Variants in SHOX observed in about 807,000 individuals in gnomAD.
The protein encoded by SHOX is SHOX homeobox, also known as short stature homeobox protein.
Under a neutral mutation model 29.6 loss-of-function variants are expected in SHOX, and 12 were observed. The ratio of observed to expected loss-of-function variants is 0.41; its 90% CI spans 0.26 to 0.66. The LOEUF is 0.66. Among genes scored for constraint, SHOX ranks in the 30% least tolerant of loss-of-function variants. The pLI is 0.35. For missense variants in SHOX, 499 were observed against 437.7 expected (o/e 1.14, Z -1.25); for synonymous variants, 214 against 200.6 (o/e 1.07, Z -0.57).
intron 1 of SHOX, chrX:624,705 C>CTTTG (rs1314984167): frequency 3.4e-5 from 4 of 117,504 alleles, no homozygotes; most frequent in Non-Finnish European, 7.2e-5. Context: ...TCTTTCTTTT[C>CTTTG]TTTCTTTCTT....
chrX:631,205 G>GT, intron 1 of SHOX, 31 bp downstream of exon 1: 2 of 1,611,522 alleles, frequency 1.2e-6, no homozygotes, highest in African/African-American at 2.7e-5. Flanking sequence ...GCTCCAGGGG[G>GT]GCCCTCCTGG....
rs1396929342 is a variant in SHOX at position 650,019 on chromosome X, G to A, written c.*5383G>A. The A allele has an allele frequency of 4.4e-6, 2 of 456,026 alleles. No homozygotes were observed. Among genetic ancestry groups the A allele is most frequent in the South Asian group, 3.1e-5 (2 of 64,550 alleles). The allele number at this position is 456,026 out of a possible 1,614,324, so 28.2% of individuals were successfully genotyped here. On this transcript the variant is annotated 3_prime_UTR_variant, in exon 5 of 5. Transcript: ENST00000686671. ...TTCTCCGTTCGAGTCTCTGACTGGT[G>A]CATACTTTGCAAAGGTGTGTTCCTG...
At chrX:630,286 G>T (rs2052622601), upstream of SHOX, among the ~76,000 whole-genome samples, 2 of 129,452 alleles carry the variant, frequency 1.5e-5, no homozygotes, top group East Asian at 4.6e-4. Context: ...TCCCAAGATC[G>T]TGCGTCCCCG....
At position 634,878 on chromosome X, in the gene SHOX, G is replaced by C. The variant is rs773959402; in HGVS notation, c.486+52G>C. The C allele has an allele frequency of 6.7e-5, 103 of 1,528,942 alleles. 1 individual carries two copies. The Middle Eastern group carries it at 6.8e-4, about 10-fold the overall frequency. The allele number at this position is 1,528,942 out of a possible 1,614,324, so 94.7% of individuals were successfully genotyped here. A position where few individuals can be genotyped will look rare whatever the true frequency, so the allele number is the denominator to read the frequency against. On this transcript the variant is annotated intron_variant, in intron 2 of 4. Transcript: ENST00000686671. ...GGCCCGGAGCCATCGCCTGGTCCTC[G>C]GGAGCGCACAGCACGCGTACAGCCA...
At chrX:625,817 G>A (rs1315757989), upstream of SHOX, among the ~76,000 whole-genome samples, 1 of 126,616 alleles carries the variant, frequency 7.9e-6, no homozygotes, top group Non-Finnish European at 1.6e-5. Context: ...CTCTGTCTCT[G>A]TCTCTCTTTC....
chrX:634,484 A>AC (rs1229826404), intron 1 of SHOX, 134 bp from the exon 2 acceptor site: 16 of 903,676 alleles, frequency 1.8e-5, no homozygotes, highest in Non-Finnish European at 2.5e-5. Flanking sequence ...TGCCTTATGG[A>AC]CCCCACGCAG....
chrX:651,522 G>A lies in SHOX; in HGVS notation c.*6886G>A, dbSNP rs187422409. 11 of 394,064 alleles carry A rather than the reference G, an allele frequency of 2.8e-5. No individual in the cohort carries two copies. In the East Asian group the frequency reaches 4.4e-4, roughly 16 times the overall value. The allele number at this position is 394,064 out of a possible 1,614,324, so 24.4% of individuals were successfully genotyped here. On this transcript the variant is annotated 3_prime_UTR_variant, in exon 5 of 5. Transcript: ENST00000686671. ...CAGCAACAGACTGTATTTTTGTGAC[G>A]CCCCGTAGTATGAATGTACATCTTG...
exon 1 of SHOX, chrX:624,387 T>TC (rs1556450953): frequency 4.3e-5 from 3 of 69,006 alleles, no homozygotes; most frequent in African/African-American, 3.3e-4. Flanking sequence ...CTCCCCACAC[T>TC]TTTTTTTTTT....
chrX:636,633 TAAAG>T lies in SHOX; in HGVS notation c.486+1811_486+1814del, dbSNP rs2052759734. On this transcript the variant is annotated intron_variant, in intron 2 of 4. Coordinates refer to ENST00000686671, the MANE Select transcript of SHOX (RefSeq NM_000451.4). ...ACATATATAAACATATATATACATA[TAAAG>T]AAATATATATAAACATATATACATA... Among the ~76,000 whole-genome samples the T allele has an allele frequency of 1.5e-4, 2 of 12,932 alleles. 1 individual carries two copies. Among genetic ancestry groups the T allele is most frequent in the African/African-American group, 2.2e-3 (2 of 896 alleles). The allele number at this position is 12,932 out of a possible 152,430, so 8.5% of individuals were successfully genotyped here. A position where few individuals can be genotyped will look rare whatever the true frequency, so the allele number is the denominator to read the frequency against.
At chrX:653,038 C>T (rs1447318809), downstream of SHOX, among the ~76,000 whole-genome samples, 3 of 152,184 alleles carry the variant, frequency 2.0e-5, no homozygotes, top group East Asian at 1.9e-4. Flanking sequence ...GTCAGGAGTT[C>T]GAGACCAGCC....
At chrX:630,691 G>A, upstream of SHOX, 2 of 640,558 alleles carry the variant, frequency 3.1e-6, no homozygotes, top group South Asian at 1.9e-5. Context: ...GCGTGCGTCC[G>A]CCGCGGAGCC....
intron 2 of SHOX, among the ~76,000 whole-genome samples, chrX:639,130 G>C (rs1342817923): frequency 6.6e-6 from 1 of 152,186 alleles, no homozygotes; most frequent in Admixed American, 6.5e-5. Context: ...GGTGGAATTT[G>C]CATGCAAATC....
chrX:643,896 G>C (rs1199167639), intron 4 of SHOX, among the ~76,000 whole-genome samples: 1 of 148,990 alleles, frequency 6.7e-6, no homozygotes, highest in Non-Finnish European at 1.5e-5. Context: ...TCCCGGGAGA[G>C]CCTTGGGGAC....
At chrX:659,279 A>G (rs1222419105) in exon 6 of SHOX, 1 of 151,550 alleles carries the variant, frequency 6.6e-6, no homozygotes, top group Non-Finnish European at 1.5e-5. Context: ...TAGAGACGGG[A>G]TCTTGCTTTG....
At chrX:629,389 CTT>C (rs1446241705), upstream of SHOX, among the ~76,000 whole-genome samples, 3 of 127,578 alleles carry the variant, frequency 2.4e-5, no homozygotes, top group African/African-American at 8.2e-5. Context: ...CTGTGTCTCT[CTT>C]TCTCTCTCTC....
chrX:630,517 G>C, upstream of SHOX: 1 of 390,546 alleles, frequency 2.6e-6, no homozygotes, highest in South Asian at 2.7e-5. Flanking sequence ...CGGGTAACCT[G>C]TGTGGGGGGC....
At chrX:640,712 G>A (rs2052838636) in intron 2 of SHOX, 109 bp from the exon 3 acceptor site, 1 of 1,253,874 alleles carries the variant, frequency 8.0e-7, no homozygotes, top group South Asian at 1.2e-5. Flanking sequence ...TCACCTCCCA[G>A]CTCCCAGAGG....
At chrX:638,256 AT>A (rs368512268) in intron 2 of SHOX, among the ~76,000 whole-genome samples, 196 of 147,792 alleles carry the variant, frequency 1.3e-3, no homozygotes, top group Middle Eastern at 3.6e-3. Context: ...ATTCTTCATC[AT>A]TTTTTTTTTT....
rs755801589 is a variant in SHOX, at chrX:643,512, G to A, written c.634-879G>A. 6.1e-5 allele frequency among the ~76,000 whole-genome samples: 9 copies of A among 147,086 alleles called. No homozygotes were observed. The East Asian group carries it at 1.9e-3, about 30-fold the overall frequency. On this transcript the variant is annotated intron_variant, in intron 4 of 4. Coordinates refer to ENST00000686671, the MANE Select transcript of SHOX (RefSeq NM_000451.4). Reference sequence around the variant, plus strand: ...CTTGGGGACCTGGTGACCTTGGAGAGGCTTGGGGACCTGGTGTCTCGGGAG... The same window carrying A: ...CTTGGGGACCTGGTGACCTTGGAGAAGCTTGGGGACCTGGTGTCTCGGGAG...
Sources: allele counts gnomAD v4.1 joint callset (sites outside exome capture counted in the v4.1 genomes callset), GRCh38; gene constraint gnomAD v4.1.1; transcripts MANE v1.5; gene names NCBI Gene and HGNC (gene_info 2026-07-23, HGNC 2026-07-21).